CPNE8: variants seen among roughly 807,000 people sequenced by gnomAD.
The protein encoded by CPNE8 is copine 8.
CPNE8 carries 45 observed loss-of-function variants against 81.5 expected under a neutral mutation model. That is an observed-to-expected ratio of 0.55 (90% CI 0.44 to 0.71). The LOEUF is 0.71. Among genes scored for constraint, CPNE8 ranks in the 30% least tolerant of loss-of-function variants. CPNE8 has a pLI of 0.00. For missense variants in CPNE8, 594 were observed against 672.1 expected, an observed-to-expected ratio of 0.88 and a Z score of 1.28; for synonymous variants, 252 against 226.3, an observed-to-expected ratio of 1.11 and a Z score of -1.02.
At chr12:38,686,999 A>G (rs2136661653) in intron 15 of CPNE8, among the ~76,000 whole-genome samples, 1 of 152,344 alleles carries the variant, frequency 6.6e-6, no homozygotes, top group South Asian at 2.1e-4. Flanking sequence ...GAAGGGGAAT[A>G]TCTAAAATCA....
intron 7 of CPNE8, among the ~76,000 whole-genome samples, chr12:38,775,002 T>G (rs1313548500): frequency 6.6e-6 from 1 of 152,214 alleles, no homozygotes; most frequent in Non-Finnish European, 1.5e-5. Flanking sequence ...ATCCCAAAGG[T>G]ATGTAATCAG....
chr12:38,710,644 C>A (rs1027315589), intron 13 of CPNE8, among the ~76,000 whole-genome samples: 5 of 152,148 alleles, frequency 3.3e-5, no homozygotes, highest in African/African-American at 4.8e-5. Context: ...CTAACACTCT[C>A]CTCTGTGGGG....
intron 3 of CPNE8, among the ~76,000 whole-genome samples, chr12:38,849,077 A>C (rs1943600618): frequency 2.0e-5 from 3 of 152,194 alleles, no homozygotes; most frequent in Admixed American, 2.0e-4. Context: ...CTTTTTATAC[A>C]TAACAGTCCC....
chr12:38,776,351 TATATA>T, intron 6 of CPNE8, 50 bp from the exon 7 acceptor site: 2 of 575,642 alleles, frequency 3.5e-6, no homozygotes, highest in Non-Finnish European at 5.3e-6. Flanking sequence ...ATATTAATAC[TATATA>T]ATATAAATTT....
chr12:38,787,972 G>GAA (rs35455026), intron 6 of CPNE8, among the ~76,000 whole-genome samples: 1,290 of 93,740 alleles, frequency 0.014, 49 homozygotes, highest in South Asian at 0.038. Flanking sequence ...AAGTCTCCCA[G>GAA]AAAAAAAAAA....
At chr12:38,784,430 A>C (rs1482015035) in intron 6 of CPNE8, among the ~76,000 whole-genome samples, 1 of 152,164 alleles carries the variant, frequency 6.6e-6, no homozygotes, top group African/African-American at 2.4e-5. Flanking sequence ...GGAGGCAAAA[A>C]AGAGACAGGA....
chr12:38,692,568 A>G (rs1323875258), intron 15 of CPNE8, among the ~76,000 whole-genome samples: 1 of 152,168 alleles, frequency 6.6e-6, no homozygotes, highest in Admixed American at 6.5e-5. Context: ...TGGAGGCTAA[A>G]CCAGTATATA....
intron 13 of CPNE8, among the ~76,000 whole-genome samples, chr12:38,719,799 A>G (rs1303905532): frequency 6.6e-6 from 1 of 152,162 alleles, no homozygotes; most frequent in Admixed American, 6.5e-5. Flanking sequence ...GTATAACTGT[A>G]ATATATTTTA....
At position 38,761,392 on chromosome 12, in the gene CPNE8, T is replaced by C. The variant is rs1303694237; in HGVS notation, c.681-504A>G. 2.6e-5 allele frequency among the ~76,000 whole-genome samples: 4 copies of C among 152,162 alleles called. No individual in the cohort carries two copies. The East Asian group carries it at 7.7e-4, about 29-fold the overall frequency. On this transcript the variant is annotated intron_variant, in intron 9 of 19. Transcript: ENST00000331366. ...ATCAGGAAGAACATTATGACTTTCT[T>C]AGGAACTTTTCTAAGAACTTTCTTA...
intron 4 of CPNE8, among the ~76,000 whole-genome samples, chr12:38,843,043 T>A (rs143693903): frequency 1.6e-3 from 241 of 152,332 alleles, no homozygotes; most frequent in African/African-American, 5.4e-3. Flanking sequence ...CATACTTTCT[T>A]TAAGGAAGAC....
intron 6 of CPNE8, among the ~76,000 whole-genome samples, chr12:38,805,919 A>G (rs1942790107): frequency 6.7e-6 from 1 of 149,772 alleles, no homozygotes; most frequent in African/African-American, 2.4e-5. Context: ...GATAAAGGGG[A>G]TATCACCACC....
At chr12:38,815,401 C>T (rs902897903) in intron 6 of CPNE8, among the ~76,000 whole-genome samples, 7 of 152,080 alleles carry the variant, frequency 4.6e-5, no homozygotes, top group Non-Finnish European at 8.8e-5. Flanking sequence ...TTATCTAATC[C>T]TCTATCACAC....
intron 4 of CPNE8, among the ~76,000 whole-genome samples, chr12:38,843,096 A>G (rs1461433132): frequency 6.6e-6 from 1 of 152,202 alleles, no homozygotes; most frequent in Non-Finnish European, 1.5e-5. Flanking sequence ...TTCTCCTAAG[A>G]GGATGCATCC....
intron 6 of CPNE8, among the ~76,000 whole-genome samples, chr12:38,802,949 T>G (rs1449293268): frequency 1.4e-5 from 2 of 147,862 alleles, no homozygotes; most frequent in Non-Finnish European, 3.0e-5. Context: ...CTCCCAAGAC[T>G]AAACCAGGAA....
chr12:38,801,527 C>A (rs1461086471), intron 6 of CPNE8, among the ~76,000 whole-genome samples: 1 of 20,188 alleles, frequency 5.0e-5, no homozygotes, highest in Non-Finnish European at 9.1e-5. Flanking sequence ...TGGAAAGGAA[C>A]AACCGGTACC....
In CPNE8 at chr12:38,739,551, G is replaced by A. The variant is rs929309125; in HGVS notation, c.723-9193C>T. Among the ~76,000 whole-genome samples the A allele has an allele frequency of 3.9e-5, 6 of 152,148 alleles. No individual in the cohort carries two copies. The South Asian group carries it at 6.2e-4, about 16-fold the overall frequency. On this transcript the variant is annotated intron_variant, in intron 10 of 19. Coordinates refer to ENST00000331366, the MANE Select transcript of CPNE8 (RefSeq NM_153634.3). ...TGAAAATGAAAGGAATATCCTTGCC[G>A]TCCTGCAAAAATAATGTCTGGCTGT...
At chr12:38,896,411 C>T (rs1944389706) in intron 1 of CPNE8, among the ~76,000 whole-genome samples, 1 of 152,020 alleles carries the variant, frequency 6.6e-6, no homozygotes, top group Admixed American at 6.6e-5. Flanking sequence ...AGGGAGTGAA[C>T]ATCATTGGTC....
upstream of CPNE8, chr12:38,906,339 G>A (rs117123326): frequency 3.2e-5 from 32 of 985,088 alleles, no homozygotes; most frequent in Admixed American, 7.4e-4. Context: ...GGGCGGGGGG[G>A]CGGACTCTAA....
At chr12:38,777,971 A>G (rs1941969639) in intron 6 of CPNE8, among the ~76,000 whole-genome samples, 1 of 152,154 alleles carries the variant, frequency 6.6e-6, no homozygotes, top group South Asian at 2.1e-4. Flanking sequence ...TAAGTTGCAT[A>G]TGCTTCTTAT....
Sources: gnomAD v4.1 joint callset for allele counts (sites outside exome capture counted in the v4.1 genomes callset) on GRCh38, gnomAD v4.1.1 for gene constraint, MANE v1.5 for transcripts, NCBI Gene and HGNC (gene_info 2026-07-23, HGNC 2026-07-21) for gene names.